OBSL1: variants seen among roughly 807,000 people sequenced by gnomAD.
The protein encoded by OBSL1 is obscurin like cytoskeletal adaptor 1.
In OBSL1, 160 loss-of-function variants were observed where a neutral mutation model predicts 172.0. The observed-to-expected ratio is 0.93, with a 90% CI of 0.82 to 1.06. The LOEUF is 1.06. Among genes scored for constraint, OBSL1 ranks in the 50% least tolerant of loss-of-function variants. The probability of loss-of-function intolerance (pLI) is 0.00; values close to 1 mark genes in which losing one functional copy is unlikely to be tolerated. For missense variants in OBSL1, 2,681 were observed against 2,715.4 expected (o/e 0.99, Z 0.28); for synonymous variants, 1,200 against 1,196.3 (o/e 1.00, Z -0.06).
intron 1 of OBSL1, 55 bp downstream of exon 1, chr2:219,570,166 G>C: frequency 7.0e-7 from 1 of 1,421,482 alleles, no homozygotes. Context: ...GCTGGAGTTC[G>C]GAGGGCCTCG....
At chr2:219,548,302 G>A (rs1281984955), downstream of OBSL1, among the ~76,000 whole-genome samples, 1 of 152,244 alleles carries the variant, frequency 6.6e-6, no homozygotes, top group East Asian at 1.9e-4. Context: ...AGGCACCAGG[G>A]ATACAGCAGA....
At chr2:219,549,928 C>A (rs998089481), downstream of OBSL1, 2 of 1,566,086 alleles carry the variant, frequency 1.3e-6, no homozygotes, top group African/African-American at 2.7e-5. Context: ...TGCCACTCAG[C>A]CTCCTGGCTT....
At chr2:219,549,815 A>G, downstream of OBSL1, 1 of 1,613,790 alleles carries the variant, frequency 6.2e-7, no homozygotes, top group Non-Finnish European at 8.5e-7. Flanking sequence ...GGTCCCGGGG[A>G]CCTCTGACAG....
Position 219,552,897 on chromosome 2 carries a change from C to T in OBSL1, c.5117G>A (p.Arg1706His), listed in dbSNP as rs1695739708. ...CACGGTCAGGCGGACCGGTCCGGCG[C>T]GGGCCGTCCCCACCGCGCAGCTGTA... is the stretch of plus-strand genomic sequence containing the variant. ...GTYSCAVGTARAGPVRLTVRE... is the reference protein window; with the variant it reads ...GTYSCAVGTAHAGPVRLTVRE... The change falls in exon 17 of 21, where the codon CGC becomes CAC. Residue 1706 changes from arginine (R) to histidine (H), a missense_variant. Transcript: ENST00000404537. 6.5e-7 allele frequency: 1 copy of T among 1,540,922 alleles called. No homozygotes were observed. Among genetic ancestry groups the T allele is most frequent in the East Asian group, 2.5e-5 (1 of 40,490 alleles).
intron 8 of OBSL1, among the ~76,000 whole-genome samples, chr2:219,560,094 A>C (rs1696352293): frequency 6.6e-6 from 1 of 152,248 alleles, no homozygotes; most frequent in South Asian, 2.1e-4. Flanking sequence ...CCTAAGGTCC[A>C]GGAACAGTCC....
Position 219,563,442 on chromosome 2 carries a change from C to A in OBSL1, c.2593G>T (p.Val865Leu). Residue 865 changes from valine (V) to leucine (L), a missense_variant, in exon 7 of 21, where the codon GTG becomes TTG. By Grantham distance (32) the Val-to-Leu change is conservative (BLOSUM62 1). Transcript: ENST00000404537. ...LENEGPHRRL[V>L]LPATQPSDGG... ...TCTGAGGGCTGGGTGGCGGGCAGCACCAGGCGGCGATGGGGCCCCTCATTC... is the reference window on the plus strand; with the variant it reads ...TCTGAGGGCTGGGTGGCGGGCAGCAACAGGCGGCGATGGGGCCCCTCATTC... 1 of 1,613,724 alleles carries A rather than the reference C, an allele frequency of 6.2e-7. No individual in the cohort carries two copies. The highest frequency in any genetic ancestry group is 8.5e-7 in the Non-Finnish European group (1 of 1,179,718).
chr2:219,570,240 G>A lies in OBSL1; in HGVS notation c.993C>T (p.Ala331=), dbSNP rs771686909. 1.3e-6 allele frequency: 2 copies of A among 1,573,608 alleles called. No homozygotes were observed. Among genetic ancestry groups the A allele is most frequent in the Admixed American group, 3.5e-5 (2 of 57,606 alleles). Residue 331 remains alanine (A), a synonymous_variant, in exon 1 of 21, where the codon GCC becomes GCT. Transcript: ENST00000404537. The part of the protein sequence containing the change: ...ARNSAGQTLS[A]VQLHVKEPRL... ...CCGTACCTTTCACGTGCAGCTGCAC[G>A]GCACTGAGCGTCTGGCCCGCCGAGT...
downstream of OBSL1, chr2:219,548,111 A>G: frequency 6.7e-7 from 1 of 1,486,732 alleles, no homozygotes; most frequent in South Asian, 1.3e-5. Flanking sequence ...GGTGGACATG[A>G]GAGGAGTGGG....
chr2:219,554,914 C>G, intron 14 of OBSL1, 174 bp from the exon 15 acceptor site: 10 of 617,424 alleles, frequency 1.6e-5, no homozygotes, highest in South Asian at 7.7e-5. Flanking sequence ...ACAGATTTGG[C>G]GGGGGGAGGG....
chr2:219,570,180 G>A, intron 1 of OBSL1, 41 bp downstream of exon 1: 2 of 1,469,336 alleles, frequency 1.4e-6, no homozygotes, highest in Non-Finnish European at 1.8e-6. Flanking sequence ...GGCCTCGGAG[G>A]ACACTCGAGG....
chr2:219,562,430 CTCA>C lies in OBSL1; in HGVS notation c.2922_2924del (p.Asp974del), dbSNP rs1371157538. 2.5e-6 allele frequency: 4 copies of C among 1,613,774 alleles called. No individual in the cohort carries two copies. Among genetic ancestry groups the C allele is most frequent in the Non-Finnish European group, 8.5e-7 (1 of 1,179,862 alleles). On this transcript the variant is annotated inframe_deletion, in exon 8 of 21. Transcript: ENST00000404537. ...TGACGGTGACAGTGAAGGAGGCCGA[CTCA>C]TCGTCAATTTCACACAAGTACTCGC...
intron 5 of OBSL1, among the ~76,000 whole-genome samples, chr2:219,566,588 G>C (rs1321137369): frequency 6.6e-6 from 1 of 152,134 alleles, no homozygotes; most frequent in East Asian, 1.9e-4. Context: ...AAACCACAAA[G>C]CACTCCAGAG....
Position 219,565,474 on chromosome 2 carries a change from C to T in OBSL1, c.2175G>A (p.Ser725=), listed in dbSNP as rs376487302. The change falls in exon 6 of 21, where the codon TCG becomes TCA. Residue 725 remains serine, a synonymous_variant. Coordinates refer to ENST00000404537, the MANE Select transcript of OBSL1 (RefSeq NM_015311.3). ...VHILSPQDRV[S]LTFTTSERVV... ...CCCGCTCTGAGGTTGTGAAGGTCAA[C>T]GACACCCTGTCCTGGGGGCTCAGGA... 1.3e-4 allele frequency: 217 copies of T among 1,612,246 alleles called. No homozygotes were observed. Among genetic ancestry groups the T allele is most frequent in the Middle Eastern group, 6.6e-4 (4 of 6,084 alleles).
At chr2:219,557,655 G>A in intron 11 of OBSL1, 37 bp from the exon 12 acceptor site, 3 of 1,508,822 alleles carry the variant, frequency 2.0e-6, no homozygotes, top group Non-Finnish European at 2.7e-6. Flanking sequence ...GGGAGGGAGA[G>A]GCTCAGGGCT....
rs370697325 is a variant in OBSL1, at chr2:219,553,551, C to T, written c.4989+23G>A. ...ATCGTTGGTGTTACACTGAAGTGGG[C>T]TTGGCTGGGGCTGGGATCTGACCTT... On this transcript the variant is annotated intron_variant, in intron 16 of 20. Coordinates refer to ENST00000404537, the MANE Select transcript of OBSL1 (RefSeq NM_015311.3). 3.8e-6 allele frequency: 6 copies of T among 1,572,560 alleles called. No individual in the cohort carries two copies. In the African/African-American group the frequency reaches 8.1e-5, roughly 21 times the overall value.
rs751292798 is a variant in OBSL1, at chr2:219,570,816, C to T, written c.417G>A (p.Val139=). The T allele has an allele frequency of 1.3e-5, 19 of 1,482,964 alleles. No individual in the cohort carries two copies. Among genetic ancestry groups the T allele is most frequent in the South Asian group, 3.9e-5 (3 of 76,858 alleles). The allele number at this position is 1,482,964 out of a possible 1,614,324, so 91.9% of individuals were successfully genotyped here. Residue 139 remains valine (V), a synonymous_variant, in exon 1 of 21, where the codon GTG becomes GTA. Coordinates refer to ENST00000404537, the MANE Select transcript of OBSL1 (RefSeq NM_015311.3). ...VFLTGPRSQW[V]LRGAEVVLTC... ...TCAGCACCACCTCCGCCCCCCGCAGCACCCACTGGGATCGAGGCCCCGTGA... is the reference window on the plus strand; with the variant it reads ...TCAGCACCACCTCCGCCCCCCGCAGTACCCACTGGGATCGAGGCCCCGTGA...
intron 13 of OBSL1, 22 bp downstream of exon 13, chr2:219,556,432 C>G: frequency 1.2e-6 from 2 of 1,613,462 alleles, no homozygotes; most frequent in Non-Finnish European, 1.7e-6. Flanking sequence ...CACAGAGTAT[C>G]TCATCCTCAT....
rs528102967 is a variant in OBSL1 at position 219,557,430 on chromosome 2, G to T, written c.3979C>A (p.Arg1327=). The T allele has an allele frequency of 1.9e-6, 3 of 1,548,300 alleles. No individual in the cohort carries two copies. Among genetic ancestry groups the T allele is most frequent in the African/African-American group, 2.7e-5 (2 of 73,062 alleles). Residue 1327 remains arginine (R), a synonymous_variant, in exon 12 of 21, where the codon CGG becomes AGG. Coordinates refer to ENST00000404537, the MANE Select transcript of OBSL1 (RefSeq NM_015311.3). ...LEQAGARQVL[R]VQGARSGDAG... is the part of the protein sequence containing the mutation. ...TCCCCGCTCCGTGCCCCCTGCACCC[G>T]CAGCACCTGCCTGGCCCCGGCCTGC...
chr2:219,556,153 G>A lies in OBSL1; in HGVS notation c.4476C>T (p.His1492=), dbSNP rs753077363. 5.6e-6 allele frequency: 9 copies of A among 1,613,634 alleles called. No homozygotes were observed. The highest frequency in any genetic ancestry group is 4.5e-5 in the East Asian group (2 of 44,894). Residue 1492 remains histidine (H), a synonymous_variant, in exon 14 of 21, where the codon CAC becomes CAT. Transcript: ENST00000404537. ...RWVRGGQPLP[H]DSRLSMAQDG... ...CCTGGGCCATGGACAGGCGAGAGTC[G>A]TGGGGCAGGGGCTGCCCACCTCGCA...
Sources: gnomAD v4.1 joint callset for allele counts (sites outside exome capture counted in the v4.1 genomes callset) on GRCh38, gnomAD v4.1.1 for gene constraint, MANE v1.5 for transcripts, NCBI Gene and HGNC (gene_info 2026-07-23, HGNC 2026-07-21) for gene names.